RTCB: variants seen among roughly 807,000 people sequenced by gnomAD.
RTCB encodes the protein RNA-splicing ligase RTCB.
RTCB carries 32 observed loss-of-function variants against 58.2 expected under a neutral mutation model. The observed-to-expected ratio is 0.55, with a 90% CI of 0.41 to 0.74. RTCB has a LOEUF of 0.74. Among genes scored for constraint, RTCB ranks in the 30% least tolerant of loss-of-function variants. The pLI, the probability that RTCB is intolerant of heterozygous loss-of-function variation, is 0.00. For synonymous variants in RTCB, 247 were observed against 218.6 expected (o/e 1.13, Z -1.15); for missense variants, 523 against 639.0 (o/e 0.82, Z 1.96).
At chr22:32,406,582 A>T in intron 4 of RTCB, 80 bp downstream of exon 4, 1 of 931,516 alleles carries the variant, frequency 1.1e-6, no homozygotes, top group Non-Finnish European at 1.7e-6. Flanking sequence ...CGGCCTCCCA[A>T]AGTGCTGGGA....
intron 11 of RTCB, among the ~76,000 whole-genome samples, chr22:32,389,371 T>A (rs995132301): frequency 2.6e-5 from 4 of 152,234 alleles, no homozygotes; most frequent in African/African-American, 9.6e-5. Context: ...CCCACATATC[T>A]GTATCTATAC....
intron 6 of RTCB, 94 bp downstream of exon 6, chr22:32,399,509 T>C (rs1255497724): frequency 2.5e-6 from 3 of 1,177,574 alleles, no homozygotes; most frequent in Non-Finnish European, 3.6e-6. Context: ...AACCTGGGAA[T>C]ATGTTTGCTA....
intron 11 of RTCB, among the ~76,000 whole-genome samples, chr22:32,389,072 G>A (rs899432608): frequency 6.6e-6 from 1 of 152,010 alleles, no homozygotes; most frequent in Non-Finnish European, 1.5e-5. Context: ...CTATTCTCCC[G>A]TTCTCCCTAG....
At chr22:32,397,238 TCA>T (rs2145892259) in intron 7 of RTCB, among the ~76,000 whole-genome samples, 1 of 152,322 alleles carries the variant, frequency 6.6e-6, no homozygotes, top group Admixed American at 6.5e-5. Context: ...ATACATTATT[TCA>T]CACACCCTCC....
intron 4 of RTCB, among the ~76,000 whole-genome samples, chr22:32,404,508 G>A (rs1462585560): frequency 2.0e-5 from 3 of 152,136 alleles, no homozygotes; most frequent in Non-Finnish European, 4.4e-5. Context: ...CTGGGCTCAG[G>A]TGGTTCTCTG....
rs114565768 is a variant in RTCB at position 32,394,112 on chromosome 22, T to A, written c.1180-110A>T. 4.7e-3 allele frequency: 3,042 copies of A among 649,406 alleles called. 74 individuals carry two copies. The African/African-American group carries it at 0.058, about 12-fold the overall frequency. 40.2% of individuals were successfully genotyped at this position (649,406 alleles called of 1,614,324 possible). Reference sequence around the variant, plus strand: ...GTAGGATTGTAGGAGAAACCCAGACTTCTTTTTTTTTTTTTTGAGATGGGA... The same window carrying A: ...GTAGGATTGTAGGAGAAACCCAGACATCTTTTTTTTTTTTTTGAGATGGGA... On this transcript the variant is annotated intron_variant, in intron 9 of 11. Coordinates refer to ENST00000216038, the MANE Select transcript of RTCB (RefSeq NM_014306.5).
chr22:32,402,396 T>C (rs984989591), intron 4 of RTCB, among the ~76,000 whole-genome samples: 2 of 152,256 alleles, frequency 1.3e-5, no homozygotes, highest in African/African-American at 4.8e-5. Flanking sequence ...TAAGGCTGCA[T>C]GTTTCCATTC....
intron 6 of RTCB, 81 bp downstream of exon 6, chr22:32,399,522 T>C (rs774202150): frequency 3.1e-6 from 4 of 1,307,086 alleles, no homozygotes; most frequent in Non-Finnish European, 3.2e-6. Flanking sequence ...GTTTGCTAAA[T>C]GTAAGATATA....
chr22:32,392,134 CAAA>C (rs1933162893), intron 11 of RTCB, 103 bp downstream of exon 11: 3 of 1,240,918 alleles, frequency 2.4e-6, no homozygotes, highest in Non-Finnish European at 3.3e-6. Flanking sequence ...AAAAATAACC[CAAA>C]CAATTTCTGT....
chr22:32,389,887 C>G (rs1488043157), intron 11 of RTCB, among the ~76,000 whole-genome samples: 1 of 152,198 alleles, frequency 6.6e-6, no homozygotes, highest in Non-Finnish European at 1.5e-5. Flanking sequence ...CTGGCGCCCC[C>G]TACCTCTCTG....
At chr22:32,408,520 T>C (rs1230786684) in intron 2 of RTCB, among the ~76,000 whole-genome samples, 1 of 152,250 alleles carries the variant, frequency 6.6e-6, no homozygotes. Flanking sequence ...TGTTCAAGGT[T>C]AGCTGAGAAA....
chr22:32,400,128 C>G (rs1028128435), intron 5 of RTCB: 1 of 167,920 alleles, frequency 6.0e-6, no homozygotes, highest in Admixed American at 6.2e-5. Context: ...AACAACAACT[C>G]TGTAACCTTA....
chr22:32,400,111 A>T (rs915853684), intron 5 of RTCB: 1 of 171,348 alleles, frequency 5.8e-6, no homozygotes, highest in Non-Finnish European at 1.3e-5. Context: ...ACAAAACAAA[A>T]AACAACAACA....
At position 32,395,069 on chromosome 22, in the gene RTCB, CG is replaced by C; in HGVS notation, c.1135del (p.Arg379AlafsTer41). 1.9e-6 allele frequency: 3 copies of C among 1,614,146 alleles called. No individual in the cohort carries two copies. Among genetic ancestry groups the C allele is most frequent in the Non-Finnish European group, 2.5e-6 (3 of 1,180,018 alleles). On this transcript the variant is annotated frameshift_variant, in exon 9 of 12. Coordinates refer to ENST00000216038, the MANE Select transcript of RTCB (RefSeq NM_014306.5). LOFTEE classifies it high-confidence loss of function. The stretch of plus-strand genomic sequence containing the variant: ...GAGGGGATGGTGAGGAGGGAAAGCG[CG>C]GGTGGATCCCTTCCTGTGTACTAAC... The part of the protein sequence containing the change: ...TLLVHRKGST[R>X]AFPPHHPLIA...
At chr22:32,407,230 T>C (rs900927759) in intron 3 of RTCB, 14 of 157,796 alleles carry the variant, frequency 8.9e-5, no homozygotes, top group African/African-American at 3.1e-4. Flanking sequence ...AAAAGGACCC[T>C]GACCCAGGAA....
chr22:32,388,600 TG>T (rs1457952687), intron 11 of RTCB, among the ~76,000 whole-genome samples: 1 of 152,122 alleles, frequency 6.6e-6, no homozygotes, highest in Non-Finnish European at 1.5e-5. Context: ...CATGTATATG[TG>T]GGTATCTATG....
chr22:32,395,015 G>A lies in RTCB; in HGVS notation c.1179+11C>T. On this transcript the variant is annotated intron_variant, in intron 9 of 11. Transcript: ENST00000216038. ...CCCACTGCTTAAAACTACAAACGTA[G>A]AGCTACGTACTTGGTAATCAACAGC... is the stretch of plus-strand genomic sequence containing the variant. 1 of 1,601,944 alleles carries A rather than the reference G, an allele frequency of 6.2e-7. No homozygotes were observed. The highest frequency in any genetic ancestry group is 8.5e-7 in the Non-Finnish European group (1 of 1,170,926).
chr22:32,408,917 T>C (rs1601432408), intron 1 of RTCB, 84 bp from the exon 2 acceptor site: 1 of 896,848 alleles, frequency 1.1e-6, no homozygotes, highest in Non-Finnish European at 1.8e-6. Context: ...GTATGCAATA[T>C]TTACTGTGCT....
chr22:32,400,408 A>C (rs1300902562), intron 5 of RTCB, among the ~76,000 whole-genome samples: 1 of 152,192 alleles, frequency 6.6e-6, no homozygotes, highest in Non-Finnish European at 1.5e-5. Flanking sequence ...GAAAAACTAC[A>C]CTTTTCAATG....
Sources: gnomAD v4.1 joint callset for allele counts (sites outside exome capture counted in the v4.1 genomes callset) on GRCh38, gnomAD v4.1.1 for gene constraint, MANE v1.5 for transcripts, NCBI Gene and HGNC (gene_info 2026-07-23, HGNC 2026-07-21) for gene names.